Variants in OR2H2 observed in about 807,000 individuals in gnomAD.
OR2H2 encodes the protein olfactory receptor family 2 subfamily H member 2, also known as olfactory receptor 2H2.
For synonymous variants in OR2H2, 146 were observed against 132.4 expected (o/e 1.10, Z -0.71); for missense variants, 295 against 313.7 (o/e 0.94, Z 0.45).
Position 29,589,030 on chromosome 6 carries a change from T to C in OR2H2, c.*147T>C, listed in dbSNP as rs752853758. 8 of 606,126 alleles carry C rather than the reference T, an allele frequency of 1.3e-5. No homozygotes were observed. Among genetic ancestry groups the C allele is most frequent in the Non-Finnish European group, 1.8e-5 (6 of 331,808 alleles). The allele number at this position is 606,126 out of a possible 1,614,324, so 37.5% of individuals were successfully genotyped here. A position where few individuals can be genotyped will look rare whatever the true frequency, so the allele number is the denominator to read the frequency against. On this transcript the variant is annotated 3_prime_UTR_variant, in exon 2 of 2. Transcript: ENST00000641840. Reference sequence around the variant, plus strand: ...ACATGTCTGTGTGTGTGCATGTATGTGTGCAAGAGACAGCGACTGAAATGT... The same window carrying C: ...ACATGTCTGTGTGTGTGCATGTATGCGTGCAAGAGACAGCGACTGAAATGT...
chr6:29,585,789 G>A (rs1181695564), intron 1 of OR2H2, among the ~76,000 whole-genome samples: 1 of 152,116 alleles, frequency 6.6e-6, no homozygotes, highest in Admixed American at 6.5e-5. Context: ...AATAATGAGA[G>A]TGGAAAAGAC....
Position 29,588,196 on chromosome 6 carries a change from G to A in OR2H2, c.252G>A (p.Trp84Ter). Residue 84 changes from tryptophan to a stop codon, truncating the protein, a stop_gained, in exon 2 of 2, where the codon TGG (tryptophan) becomes TGA (stop). Transcript: ENST00000641840. LOFTEE classifies it low-confidence loss of function (END_TRUNC). Reference protein sequence around the residue: ...SCVPQMLVNLWGPKKTISFLD... With the variant: ...SCVPQMLVNL Reference sequence around the variant, plus strand: ...TTCCCCAAATGCTGGTCAACCTCTGGGGCCCAAAGAAGACCATCAGCTTCC... The same window carrying A: ...TTCCCCAAATGCTGGTCAACCTCTGAGGCCCAAAGAAGACCATCAGCTTCC... 6.7e-7 allele frequency: 1 copy of A among 1,489,766 alleles called. No individual in the cohort carries two copies. 92.3% of individuals were successfully genotyped at this position (1,489,766 alleles called of 1,614,324 possible).
chr6:29,586,893 T>C (rs1233238646), intron 1 of OR2H2, among the ~76,000 whole-genome samples: 1 of 152,116 alleles, frequency 6.6e-6, no homozygotes, highest in Non-Finnish European at 1.5e-5. Flanking sequence ...TGAGTCCTTG[T>C]CTCTGACCTG....
rs915132549 is a variant in OR2H2, at chr6:29,586,486, A to G, written c.-276+1136A>G. ...AGCCTGGGCTATAAAACGTGACTCT[A>G]AAAAAAAAAAAAAAAAAAAAAAATT... On this transcript the variant is annotated intron_variant, in intron 1 of 1. Transcript: ENST00000641840. Among the ~76,000 whole-genome samples the G allele has an allele frequency of 4.1e-3, 387 of 94,564 alleles. 3 individuals are homozygous for G. The highest frequency in any genetic ancestry group is 0.015 in the African/African-American group (320 of 21,258). 62.0% of individuals were successfully genotyped at this position (94,564 alleles called of 152,430 possible).
rs1295979039 is a variant in OR2H2 at position 29,588,387 on chromosome 6, T to C, written c.443T>C (p.Val148Ala). The C allele has an allele frequency of 6.2e-7, 1 of 1,611,782 alleles. No homozygotes were observed. Among genetic ancestry groups the C allele is most frequent in the African/African-American group, 1.3e-5 (1 of 74,980 alleles). ...TGGCAGCTGGCATCTGTGGCCTGGGTCATTGGGCTAGTGGAGTCAGTGGTC... is the reference window on the plus strand; with the variant it reads ...TGGCAGCTGGCATCTGTGGCCTGGGCCATTGGGCTAGTGGAGTCAGTGGTC... ...LCWQLASVAW[V>A]IGLVESVVQT... The change falls in exon 2 of 2, where the codon GTC becomes GCC. Residue 148 changes from valine to alanine, a missense_variant. By Grantham distance (64) the Val-to-Ala change is moderately conservative. Coordinates refer to ENST00000641840, the MANE Select transcript of OR2H2 (RefSeq NM_007160.4).
chr6:29,585,548 A>G (rs1329964750), intron 1 of OR2H2, among the ~76,000 whole-genome samples, 198 bp downstream of exon 1: 1 of 152,166 alleles, frequency 6.6e-6, no homozygotes, highest in African/African-American at 2.4e-5. Context: ...ATCTCTTTGT[A>G]GGGTCACTGT....
Position 29,588,168 on chromosome 6 carries a change from G to C in OR2H2, c.224G>C (p.Cys75Ser). 1 of 1,344,466 alleles carries C rather than the reference G, an allele frequency of 7.4e-7. No individual in the cohort carries two copies. The highest frequency in any genetic ancestry group is 2.3e-5 in the East Asian group (1 of 43,602). 83.3% of individuals were successfully genotyped at this position (1,344,466 alleles called of 1,614,324 possible). ...TTGGACCTCTGTTTCACCACGAGTT[G>C]TGTTCCCCAAATGCTGGTCAACCTC... ...SFLDLCFTTS[C>S]VPQMLVNLWG... Residue 75 changes from cysteine (C) to serine (S), a missense_variant, in exon 2 of 2, where the codon TGT becomes TCT. Transcript: ENST00000641840.
intron 1 of OR2H2, among the ~76,000 whole-genome samples, chr6:29,586,026 G>A (rs759554455): frequency 3.9e-5 from 6 of 152,136 alleles, no homozygotes; most frequent in Admixed American, 6.5e-5. Context: ...AGGAGGGGGC[G>A]GCAGCCAATG....
Position 29,590,029 on chromosome 6 carries a change from CAG to C in OR2H2, c.*1148_*1149del, listed in dbSNP as rs933397598. On this transcript the variant is annotated 3_prime_UTR_variant, in exon 2 of 2. Transcript: ENST00000641840. ...GAATACTGTACTAAAAGTGAAAAAA[CAG>C]AATGGTTATATTGGTACTCAAAGTA... is the stretch of plus-strand genomic sequence containing the variant. The C allele has an allele frequency of 6.6e-6, 1 of 152,102 alleles. No individual in the cohort carries two copies. The highest frequency in any genetic ancestry group is 2.4e-5 in the African/African-American group (1 of 41,396). 9.4% of individuals were successfully genotyped at this position (152,102 alleles called of 1,614,324 possible). A position where few individuals can be genotyped will look rare whatever the true frequency, so the allele number is the denominator to read the frequency against.
At chr6:29,586,377 G>A (rs763694390) in intron 1 of OR2H2, among the ~76,000 whole-genome samples, 9 of 151,584 alleles carry the variant, frequency 5.9e-5, no homozygotes, top group Non-Finnish European at 1.2e-4. Flanking sequence ...TGTAATCCCC[G>A]CTACTTGGGA....
At chr6:29,586,847 C>T (rs1444643573) in intron 1 of OR2H2, among the ~76,000 whole-genome samples, 7 of 152,144 alleles carry the variant, frequency 4.6e-5, no homozygotes, top group Non-Finnish European at 2.9e-5. Context: ...ATCTCATCTC[C>T]TCCCCTCATG....
intron 1 of OR2H2, 129 bp from the exon 2 acceptor site, chr6:29,587,541 A>G (rs1760347908): frequency 1.1e-5 from 2 of 181,952 alleles, no homozygotes; most frequent in Non-Finnish European, 2.3e-5. Flanking sequence ...ACCTTACGAG[A>G]TCATCCAATA....
In OR2H2 at chr6:29,589,026, T is replaced by C. The variant is rs1760500076; in HGVS notation, c.*143T>C. ...AGCCACATGTCTGTGTGTGTGCATG[T>C]ATGTGTGCAAGAGACAGCGACTGAA... On this transcript the variant is annotated 3_prime_UTR_variant, in exon 2 of 2. Transcript: ENST00000641840. 8.0e-6 allele frequency: 5 copies of C among 621,228 alleles called. No homozygotes were observed. Among genetic ancestry groups the C allele is most frequent in the Non-Finnish European group, 1.5e-5 (5 of 340,374 alleles). The allele number at this position is 621,228 out of a possible 1,614,324, so 38.5% of individuals were successfully genotyped here.
Position 29,589,099 on chromosome 6 carries a change from T to G in OR2H2, c.*216T>G, listed in dbSNP as rs1348401255. 1.3e-5 allele frequency: 7 copies of G among 543,948 alleles called. No homozygotes were observed. Among genetic ancestry groups the G allele is most frequent in the Non-Finnish European group, 2.3e-5 (7 of 302,120 alleles). 33.7% of individuals were successfully genotyped at this position (543,948 alleles called of 1,614,324 possible). A position where few individuals can be genotyped will look rare whatever the true frequency, so the allele number is the denominator to read the frequency against. ...TATGCGAAAAATTATAGGCATCAAG[T>G]ATATTTTATATTTTTTTCTACTTTA... On this transcript the variant is annotated 3_prime_UTR_variant, in exon 2 of 2. Transcript: ENST00000641840.
chr6:29,588,163 G>C lies in OR2H2; in HGVS notation c.219G>C (p.Thr73=), dbSNP rs111578865. The C allele has an allele frequency of 1.5e-6, 2 of 1,305,878 alleles. No homozygotes were observed. The highest frequency in any genetic ancestry group is 1.2e-5 in the South Asian group (1 of 84,852). The allele number at this position is 1,305,878 out of a possible 1,614,324, so 80.9% of individuals were successfully genotyped here. A position where few individuals can be genotyped will look rare whatever the true frequency, so the allele number is the denominator to read the frequency against. ...CCTTCTTGGACCTCTGTTTCACCAC[G>C]AGTTGTGTTCCCCAAATGCTGGTCA... The part of the protein sequence containing the change: ...NLSFLDLCFT[T]SCVPQMLVNL... Residue 73 remains threonine, a synonymous_variant, in exon 2 of 2, where the codon ACG becomes ACC. Transcript: ENST00000641840.
rs1363778830 is a variant in OR2H2, at chr6:29,590,438, A to G, written c.*1555A>G. 6.6e-6 allele frequency: 1 copy of G among 152,242 alleles called. No individual in the cohort carries two copies. Among genetic ancestry groups the G allele is most frequent in the Non-Finnish European group, 1.5e-5 (1 of 68,040 alleles). 9.4% of individuals were successfully genotyped at this position (152,242 alleles called of 1,614,324 possible). A position where few individuals can be genotyped will look rare whatever the true frequency, so the allele number is the denominator to read the frequency against. On this transcript the variant is annotated 3_prime_UTR_variant, in exon 2 of 2. Coordinates refer to ENST00000641840, the MANE Select transcript of OR2H2 (RefSeq NM_007160.4). ...CGAAGGGGTTTCACTTCCTTAAAAT[A>G]AGAGTTTTTCAAATACTTCAAAGCA...
At position 29,585,794 on chromosome 6, in the gene OR2H2, A is replaced by C. The variant is rs186615208; in HGVS notation, c.-276+444A>C. On this transcript the variant is annotated intron_variant, in intron 1 of 1. Transcript: ENST00000641840. Reference sequence around the variant, plus strand: ...GTAGGAGAAAAATAATGAGAGTGGAAAAGACAGAGAACAAAGAGGGAAAGG... The same window carrying C: ...GTAGGAGAAAAATAATGAGAGTGGACAAGACAGAGAACAAAGAGGGAAAGG... Among the ~76,000 whole-genome samples, 178 of 152,328 alleles carry C rather than the reference A, an allele frequency of 1.2e-3. 1 individual carries two copies. The highest frequency in any genetic ancestry group is 1.9e-3 in the Non-Finnish European group (130 of 68,024).
At chr6:29,586,708 G>A (rs546386564) in intron 1 of OR2H2, among the ~76,000 whole-genome samples, 1 of 152,282 alleles carries the variant, frequency 6.6e-6, no homozygotes, top group East Asian at 1.9e-4. Flanking sequence ...GAAGAAGACA[G>A]AGACAATGGC....
rs1294470050 is a variant in OR2H2 at position 29,588,574 on chromosome 6, C to T, written c.630C>T (p.Ser210=). 1 of 1,020,668 alleles carries T rather than the reference C, an allele frequency of 9.8e-7. No homozygotes were observed. The highest frequency in any genetic ancestry group is 1.6e-6 in the Non-Finnish European group (1 of 638,846). The allele number at this position is 1,020,668 out of a possible 1,614,324, so 63.2% of individuals were successfully genotyped here. A position where few individuals can be genotyped will look rare whatever the true frequency, so the allele number is the denominator to read the frequency against. The change falls in exon 2 of 2, where the codon AGC becomes AGT. Residue 210 remains serine (S), a synonymous_variant. Transcript: ENST00000641840. Reference sequence around the variant, plus strand: ...TCTTCATCTTGGTTGTGCCTCTCAGCCTCATCCTTGTCTCTTACGGAGCCA... The same window carrying T: ...TCTTCATCTTGGTTGTGCCTCTCAGTCTCATCCTTGTCTCTTACGGAGCCA... The part of the protein sequence containing the change: ...ASVFILVVPL[S]LILVSYGAIT...
Sources: allele counts gnomAD v4.1 joint callset (sites outside exome capture counted in the v4.1 genomes callset), GRCh38; gene constraint gnomAD v4.1.1; transcripts MANE v1.5; gene names NCBI Gene and HGNC (gene_info 2026-07-23, HGNC 2026-07-21).